The following CNNM2 variants were observed in gnomAD, a reference collection of about 807,000 sequenced individuals.
The protein encoded by CNNM2 is cyclin and CBS domain divalent metal cation transport mediator 2.
Under a neutral mutation model 66.9 loss-of-function variants are expected in CNNM2, and 12 were observed. The ratio of observed to expected loss-of-function variants is 0.18; its 90% CI spans 0.11 to 0.29. The LOEUF is 0.29. CNNM2 is among the 10% of genes least tolerant of loss of function. The pLI, the probability that CNNM2 is intolerant of heterozygous loss-of-function variation, is 1.00. For synonymous variants in CNNM2, 557 were observed against 501.8 expected (o/e 1.11, Z -1.47); for missense variants, 705 against 1,167.7 (o/e 0.60, Z 5.77).
rs115697070 is a variant in CNNM2, at chr10:103,002,951, G to A, written c.1622-46756G>A. On this transcript the variant is annotated intron_variant, in intron 1 of 7. Coordinates refer to ENST00000369878, the MANE Select transcript of CNNM2 (RefSeq NM_017649.5). Reference sequence around the variant, plus strand: ...CATATATTCACATAAAAACTTGTACGCAGTTGTTCATAGCGGCATTATTTA... The same window carrying A: ...CATATATTCACATAAAAACTTGTACACAGTTGTTCATAGCGGCATTATTTA... Among the ~76,000 whole-genome samples, 259 of 152,152 alleles carry A rather than the reference G, an allele frequency of 1.7e-3. 2 individuals carry two copies. The highest frequency in any genetic ancestry group is 4.6e-3 in the African/African-American group (191 of 41,518).
At chr10:102,928,689 A>AC (rs1183319000) in intron 1 of CNNM2, among the ~76,000 whole-genome samples, 1 of 152,100 alleles carries the variant, frequency 6.6e-6, no homozygotes, top group Non-Finnish European at 1.5e-5. Flanking sequence ...TGGCATCCTC[A>AC]CATAGCAGAG....
intron 1 of CNNM2, among the ~76,000 whole-genome samples, chr10:102,954,712 T>G (rs1351366345): frequency 6.6e-6 from 1 of 152,126 alleles, no homozygotes; most frequent in East Asian, 1.9e-4. Flanking sequence ...GCCAGTAATT[T>G]TTGGATAAGC....
In CNNM2 at chr10:102,999,655, C is replaced by T. The variant is rs187439561; in HGVS notation, c.1622-50052C>T. On this transcript the variant is annotated intron_variant, in intron 1 of 7. Coordinates refer to ENST00000369878, the MANE Select transcript of CNNM2 (RefSeq NM_017649.5). ...TCAAAATCCAGGCTGCCCTTCCCCC[C>T]CCACCTCTCCGCACCAGAGGTTGGC... Among the ~76,000 whole-genome samples, 113 of 152,210 alleles carry T rather than the reference C, an allele frequency of 7.4e-4. 2 individuals carry two copies. The East Asian group carries it at 0.021, about 28-fold the overall frequency.
chr10:102,964,509 A>T (rs921256061), intron 1 of CNNM2, among the ~76,000 whole-genome samples: 1 of 152,176 alleles, frequency 6.6e-6, no homozygotes, highest in Non-Finnish European at 1.5e-5. Context: ...GGTCACACTC[A>T]TGAGCCACTG....
At chr10:102,984,803 C>T (rs769819017) in intron 1 of CNNM2, among the ~76,000 whole-genome samples, 15 of 152,020 alleles carry the variant, frequency 9.9e-5, no homozygotes, top group South Asian at 2.1e-4. Context: ...CCTGTCACTA[C>T]GCCTGGCTAA....
intron 1 of CNNM2, among the ~76,000 whole-genome samples, chr10:103,009,872 A>G (rs138540549): frequency 2.6e-5 from 4 of 152,130 alleles, no homozygotes; most frequent in African/African-American, 7.2e-5. Context: ...AGGTATTTAT[A>G]TTAGTACAGC....
At chr10:103,071,688 C>G (rs918226192) in intron 5 of CNNM2, 86 bp from the exon 6 acceptor site, 1 of 1,021,576 alleles carries the variant, frequency 9.8e-7, no homozygotes, top group Non-Finnish European at 1.6e-6. Flanking sequence ...ATTGATAGAA[C>G]AAGTATCCCC....
At position 103,081,427 on chromosome 10, in the gene CNNM2, G is replaced by A. The variant is rs2065756237; in HGVS notation, c.*4247G>A. On this transcript the variant is annotated 3_prime_UTR_variant, in exon 8 of 8. Coordinates refer to ENST00000369878, the MANE Select transcript of CNNM2 (RefSeq NM_017649.5). ...GTAGGTTAACCCAGAATTTAGTAGG[G>A]ATATAGGGGTTTGAATAGGAAAGTG... The A allele has an allele frequency of 6.6e-6, 1 of 152,160 alleles. No homozygotes were observed. Among genetic ancestry groups the A allele is most frequent in the African/African-American group, 2.4e-5 (1 of 41,436 alleles). 9.4% of individuals were successfully genotyped at this position (152,160 alleles called of 1,614,324 possible).
chr10:103,012,054 A>T (rs577055725), intron 1 of CNNM2, among the ~76,000 whole-genome samples: 3 of 152,200 alleles, frequency 2.0e-5, no homozygotes, highest in African/African-American at 7.2e-5. Flanking sequence ...TTGCTATCAG[A>T]TCAGCACACT....
chr10:102,978,011 G>A (rs915369896), intron 1 of CNNM2, among the ~76,000 whole-genome samples: 8 of 151,964 alleles, frequency 5.3e-5, no homozygotes, highest in Non-Finnish European at 1.2e-4. Context: ...CTGGGTTCAA[G>A]CGATTCTCCT....
chr10:102,947,378 T>G (rs1400029285), intron 1 of CNNM2, among the ~76,000 whole-genome samples: 1 of 152,224 alleles, frequency 6.6e-6, no homozygotes, highest in East Asian at 1.9e-4. Flanking sequence ...TCTAGTGTTT[T>G]TCATTGTGAT....
chr10:102,943,764 T>C (rs1421691754), intron 1 of CNNM2, among the ~76,000 whole-genome samples: 1 of 152,230 alleles, frequency 6.6e-6, no homozygotes, highest in Non-Finnish European at 1.5e-5. Flanking sequence ...TGTATATTCA[T>C]ATGTATGTCT....
rs117803433 is a variant in CNNM2, at chr10:103,036,149, T to A, written c.1622-13558T>A. Among the ~76,000 whole-genome samples the A allele has an allele frequency of 4.1e-3, 619 of 150,384 alleles. 19 individuals carry two copies. In the East Asian group the frequency reaches 0.075, roughly 18 times the overall value. On this transcript the variant is annotated intron_variant, in intron 1 of 7. Transcript: ENST00000369878. The stretch of plus-strand genomic sequence containing the variant: ...ATAGGACACACACACACACACACAC[T>A]CTTTCATCAAGGGATTTATTATAAG...
chr10:103,052,240 C>G (rs1343258273), intron 2 of CNNM2, among the ~76,000 whole-genome samples: 1 of 149,336 alleles, frequency 6.7e-6, no homozygotes, highest in Admixed American at 6.7e-5. Context: ...GAGATCGCAC[C>G]ACTGCACTCC....
At chr10:102,982,010 TCTTACATTTG>T (rs1375556426) in intron 1 of CNNM2, among the ~76,000 whole-genome samples, 1 of 152,132 alleles carries the variant, frequency 6.6e-6, no homozygotes, top group East Asian at 1.9e-4. Flanking sequence ...TAAGTGCTTT[TCTTACATTTG>T]AAGTATATCC....
At chr10:102,987,486 A>T (rs1162571943) in intron 1 of CNNM2, among the ~76,000 whole-genome samples, 1 of 151,704 alleles carries the variant, frequency 6.6e-6, no homozygotes, top group Non-Finnish European at 1.5e-5. Flanking sequence ...ACGCCTGGCT[A>T]ATTTTTTTGT....
Position 103,084,185 on chromosome 10 carries a change from C to G in CNNM2, c.*7005C>G, listed in dbSNP as rs542981915. On this transcript the variant is annotated 3_prime_UTR_variant, in exon 8 of 8. Coordinates refer to ENST00000369878, the MANE Select transcript of CNNM2 (RefSeq NM_017649.5). ...CACTTTTAGTCTCTATTTTACATTC[C>G]AAAGAGGATCGTGCTCTGAAAATTT... is the stretch of plus-strand genomic sequence containing the variant. 1.3e-5 allele frequency: 2 copies of G among 152,234 alleles called. No individual in the cohort carries two copies. The highest frequency in any genetic ancestry group is 4.1e-4 in the South Asian group (2 of 4,824). 9.4% of individuals were successfully genotyped at this position (152,234 alleles called of 1,614,324 possible).
chr10:103,026,583 A>C (rs1564850946), intron 1 of CNNM2, among the ~76,000 whole-genome samples: 1 of 145,892 alleles, frequency 6.9e-6, no homozygotes. Flanking sequence ...CCTTAGGGAC[A>C]GAGTGAGACC....
chr10:103,013,536 G>GC (rs1225303810), intron 1 of CNNM2, among the ~76,000 whole-genome samples: 1 of 152,118 alleles, frequency 6.6e-6, no homozygotes, highest in African/African-American at 2.4e-5. Context: ...TGCTGGGTGC[G>GC]CTCAGGTGTG....
Sources: allele counts gnomAD v4.1 joint callset (sites outside exome capture counted in the v4.1 genomes callset), GRCh38; gene constraint gnomAD v4.1.1; transcripts MANE v1.5; gene names NCBI Gene and HGNC (gene_info 2026-07-23, HGNC 2026-07-21).